The following MYCBP2 variants were observed in gnomAD, a reference collection of about 807,000 sequenced individuals.
MYCBP2 encodes the protein E3 ubiquitin-protein ligase MYCBP2.
Under a neutral mutation model 525.3 loss-of-function variants are expected in MYCBP2, and 120 were observed. The ratio of observed to expected loss-of-function variants is 0.23; its 90% confidence interval spans 0.20 to 0.27. The LOEUF (loss-of-function observed/expected upper bound fraction) is 0.27. MYCBP2 is among the 10% of genes least tolerant of loss of function. MYCBP2 has a pLI of 1.00. For missense variants in MYCBP2, 4,149 were observed against 5,657.1 expected (o/e 0.73, Z 8.55); for synonymous variants, 1,894 against 1,955.8 (o/e 0.97, Z 0.83).
At chr13:77,049,770 G>A (rs548261083) in intron 82 of MYCBP2, among the ~76,000 whole-genome samples, 2 of 152,102 alleles carry the variant, frequency 1.3e-5, no homozygotes, top group East Asian at 1.9e-4. Flanking sequence ...TGAGTAGCTC[G>A]GATTACAGGT....
intron 72 of MYCBP2, among the ~76,000 whole-genome samples, chr13:77,065,707 A>T (rs1209470665): frequency 6.6e-6 from 1 of 152,202 alleles, no homozygotes; most frequent in East Asian, 1.9e-4. Context: ...TTTTTGAATC[A>T]AGTTCTTTCT....
intron 20 of MYCBP2, among the ~76,000 whole-genome samples, chr13:77,221,340 T>A (rs1405165927): frequency 6.6e-6 from 1 of 152,184 alleles, no homozygotes; most frequent in Non-Finnish European, 1.5e-5. Context: ...ACTGGTATAA[T>A]CAGGACCACG....
intron 55 of MYCBP2, chr13:77,103,152 A>C (rs1778057966): frequency 2.5e-6 from 1 of 396,904 alleles, no homozygotes; most frequent in Non-Finnish European, 4.5e-6. Flanking sequence ...AAACATCTTT[A>C]ATGACACTCC....
At chr13:77,280,054 G>A (rs2076029249) in intron 3 of MYCBP2, among the ~76,000 whole-genome samples, 1 of 152,120 alleles carries the variant, frequency 6.6e-6, no homozygotes, top group Non-Finnish European at 1.5e-5. Flanking sequence ...TTAAATATTT[G>A]TTTAATTTAT....
chr13:77,088,840 C>G lies in MYCBP2; in HGVS notation c.10717G>C (p.Ala3573Pro). Residue 3573 changes from alanine to proline, a missense_variant, in exon 61 of 83, where the codon GCT (alanine) becomes CCT (proline). This residue lies in a region of MYCBP2 where 509 missense variants were observed against 789.4 expected (regional missense o/e 0.64). Transcript: ENST00000544440. ...CATTAATGTCTTCATACCTCCATAG[C>G]AAAAACTCGACAAGCAGATTTCCTT... ...ALRKSACRVFAMEAFNWLLCN... is the reference protein window; with the variant it reads ...ALRKSACRVFPMEAFNWLLCN... 6.2e-7 allele frequency: 1 copy of G among 1,611,762 alleles called. No individual in the cohort carries two copies. The highest frequency in any genetic ancestry group is 8.5e-7 in the Non-Finnish European group (1 of 1,178,452).
At chr13:77,132,970 T>C (rs965239495) in intron 52 of MYCBP2, among the ~76,000 whole-genome samples, 5 of 152,212 alleles carry the variant, frequency 3.3e-5, no homozygotes, top group Non-Finnish European at 7.4e-5. Context: ...GAATAACTCA[T>C]GTCATCTTCA....
In MYCBP2 at chr13:77,302,103, G is replaced by C. The variant is rs77392480; in HGVS notation, c.303-5429C>G. On this transcript the variant is annotated intron_variant, in intron 1 of 82. Coordinates refer to ENST00000544440, the MANE Select transcript of MYCBP2 (RefSeq NM_015057.5). Reference sequence around the variant, plus strand: ...TCATATTCATATAATTGGAATCCCAGAAAGAGAGAAAAAAGAATGGAACAA... The same window carrying C: ...TCATATTCATATAATTGGAATCCCACAAAGAGAGAAAAAAGAATGGAACAA... 5.4e-3 allele frequency among the ~76,000 whole-genome samples: 827 copies of C among 151,950 alleles called. 49 individuals are homozygous for C. The East Asian group carries it at 0.13, about 24-fold the overall frequency.
rs759534601 is a variant in MYCBP2, at chr13:77,326,490, C to T, written c.286G>A (p.Gly96Arg). The change falls in exon 1 of 83, where the codon GGA (glycine) becomes AGA (arginine). Residue 96 changes from glycine to arginine, a missense_variant. Physicochemically the swap from Gly to Arg is moderately radical, Grantham distance 125. Transcript: ENST00000544440. This position sits in a 1 kb window ranked among gnomAD's most constrained non-coding sequence, Gnocchi z 4.2. ...NDRDQGGGSA[G>R]HPASRNKKIL... Reference sequence around the variant, plus strand: ...GGGACGCACCTGGAGGCTGGGTGTCCAGCGCTGCCGCCCCCCTGGTCCCTG... The same window carrying T: ...GGGACGCACCTGGAGGCTGGGTGTCTAGCGCTGCCGCCCCCCTGGTCCCTG... The T allele has an allele frequency of 5.1e-6, 8 of 1,581,410 alleles. No individual in the cohort carries two copies. The highest frequency in any genetic ancestry group is 1.4e-5 in the African/African-American group (1 of 72,072).
At chr13:77,154,799 G>T (rs951892875) in intron 46 of MYCBP2, among the ~76,000 whole-genome samples, 1 of 151,906 alleles carries the variant, frequency 6.6e-6, no homozygotes, top group Non-Finnish European at 1.5e-5. Context: ...TCACTATCAG[G>T]ATAACTTTAT....
chr13:77,187,664 G>A (rs188053313), intron 30 of MYCBP2, among the ~76,000 whole-genome samples: 28 of 152,294 alleles, frequency 1.8e-4, no homozygotes, highest in African/African-American at 4.8e-4. Flanking sequence ...TAAAAAAGAT[G>A]AAAACTGTAA....
intron 80 of MYCBP2, 39 bp from the exon 81 acceptor site, chr13:77,051,957 G>T (rs373039956): frequency 4.4e-4 from 667 of 1,512,822 alleles, no homozygotes; most frequent in Non-Finnish European, 5.8e-4. Context: ...CAGGAAAAAA[G>T]AAAACTCTGG....
intron 1 of MYCBP2, among the ~76,000 whole-genome samples, chr13:77,309,505 G>C (rs1469314112): frequency 6.6e-6 from 1 of 152,176 alleles, no homozygotes; most frequent in East Asian, 1.9e-4. Context: ...GACAACCAAA[G>C]AAGAAAATTC....
chr13:77,211,932 G>A, intron 22 of MYCBP2, 24 bp downstream of exon 22: 1 of 1,542,450 alleles, frequency 6.5e-7, no homozygotes, highest in South Asian at 1.1e-5. Context: ...TTTGGAAGGG[G>A]CATTTGTTTA....
At chr13:77,154,368 G>A (rs1000456723) in intron 46 of MYCBP2, among the ~76,000 whole-genome samples, 5 of 149,504 alleles carry the variant, frequency 3.3e-5, no homozygotes, top group African/African-American at 7.4e-5. Context: ...AGAAAAGAAG[G>A]AAAAAGGAGA....
chr13:77,301,542 A>T (rs9600855), intron 1 of MYCBP2, among the ~76,000 whole-genome samples: 3,050 of 152,016 alleles, frequency 0.02, 112 homozygotes, highest in African/African-American at 0.069. Flanking sequence ...CACTGGATTG[A>T]GATAATCAAA....
intron 23 of MYCBP2, among the ~76,000 whole-genome samples, chr13:77,208,217 C>G (rs1041660689): frequency 1.3e-5 from 2 of 152,186 alleles, no homozygotes; most frequent in African/African-American, 4.8e-5. Flanking sequence ...GTACAGGGCA[C>G]AGATCCTGCT....
At position 77,061,734 on chromosome 13, in the gene MYCBP2, G is replaced by A; in HGVS notation, c.12831C>T (p.Val4277=). 1 of 1,610,994 alleles carries A rather than the reference G, an allele frequency of 6.2e-7. No homozygotes were observed. The highest frequency in any genetic ancestry group is 8.5e-7 in the Non-Finnish European group (1 of 1,178,322). Residue 4277 remains valine (V), a synonymous_variant, in exon 75 of 83, where the codon GTC becomes GTT. Coordinates refer to ENST00000544440, the MANE Select transcript of MYCBP2 (RefSeq NM_015057.5). ...GETAAIILCN[V]CGNLCTDCDR... is the part of the protein sequence containing the mutation. The stretch of plus-strand genomic sequence containing the variant: ...CACAGTCTGTACATAAATTTCCACA[G>A]ACATTGCATAAAATGATTGCTGCAG...
chr13:77,289,260 T>C (rs1469338036), intron 2 of MYCBP2, among the ~76,000 whole-genome samples: 1 of 151,990 alleles, frequency 6.6e-6, no homozygotes, highest in African/African-American at 2.4e-5. Flanking sequence ...GCATGGCATA[T>C]AACTTATGAA....
intron 1 of MYCBP2, among the ~76,000 whole-genome samples, chr13:77,324,030 CCCA>C (rs1420368197): frequency 6.6e-6 from 1 of 152,154 alleles, no homozygotes; most frequent in Non-Finnish European, 1.5e-5. Context: ...ATTTGCATAT[CCCA>C]CCCAACCTCC....
Sources: gnomAD v4.1 joint callset for allele counts (sites outside exome capture counted in the v4.1 genomes callset) on GRCh38, gnomAD v4.1.1 for gene constraint, gnomAD v4.1.1 regional missense constraint, Gnocchi (gnomAD v3.1) non-coding constraint, MANE v1.5 for transcripts, NCBI Gene and HGNC (gene_info 2026-07-23, HGNC 2026-07-21) for gene names.